The following KMT2E variants were observed in gnomAD, a reference collection of about 807,000 sequenced individuals.
KMT2E encodes the protein lysine methyltransferase 2E (inactive), also known as histone reader KMT2E.
KMT2E carries 30 observed loss-of-function variants against 184.6 expected under a neutral mutation model. The ratio of observed to expected loss-of-function variants is 0.16; its 90% CI spans 0.12 to 0.22. KMT2E has a LOEUF of 0.22. Ranked by LOEUF, KMT2E falls within the 10% of genes least tolerant of loss-of-function variation. KMT2E has a pLI of 1.00. For missense variants in KMT2E, 2,023 were observed against 2,237.4 expected, an observed-to-expected ratio of 0.90 and a Z score of 1.93; for synonymous variants, 815 against 776.5, an observed-to-expected ratio of 1.05 and a Z score of -0.82.
Position 105,112,414 on chromosome 7 carries a change from C to G in KMT2E, c.4658C>G (p.Ser1553Cys). ...CCCCCTCCACCTCCTCCACCTCCTT[C>G]TTCGTCTTACTATCAAAACCAGCAG... ...APPPPPPPPP[S>C]SSYYQNQQPS... is the part of the protein sequence containing the mutation. The change falls in exon 27 of 27, where the codon TCT (serine) becomes TGT (cysteine). Residue 1553 changes from serine (S) to cysteine (C), a missense_variant. This residue lies in a region of KMT2E where 1,108 missense variants were observed against 1,050.9 expected (regional missense o/e 1.05). Transcript: ENST00000311117. 1 of 1,613,162 alleles carries G rather than the reference C, an allele frequency of 6.2e-7. No homozygotes were observed. Among genetic ancestry groups the G allele is most frequent in the Non-Finnish European group, 8.5e-7 (1 of 1,179,894 alleles).
intron 3 of KMT2E, among the ~76,000 whole-genome samples, chr7:105,047,625 A>T (rs1048235046): frequency 1.3e-5 from 2 of 152,232 alleles, no homozygotes; most frequent in Non-Finnish European, 2.9e-5. Flanking sequence ...TGTGAGTCCA[A>T]TGTTAACTTC....
Position 105,108,943 on chromosome 7 carries a change from T to G in KMT2E, c.3470T>G (p.Val1157Gly). The change falls in exon 23 of 27, where the codon GTT becomes GGT. Residue 1157 changes from valine (V) to glycine (G), a missense_variant and splice_region_variant. Val to Gly is a moderately radical substitution (Grantham distance 109). Around this residue, in one of 8 missense-constraint regions of KMT2E, gnomAD observed 1,108 missense variants for 1,050.9 expected, o/e 1.05. Coordinates refer to ENST00000311117, the MANE Select transcript of KMT2E (RefSeq NM_182931.3). ...TTTTTCTCATCTTTCTTGCTTAAGG[T>G]TTCTCTATTAGAATACCGTAAGAGA... The part of the protein sequence containing the change: ...TPQNPPQKKK[V>G]SLLEYRKRQR... 1 of 1,591,270 alleles carries G rather than the reference T, an allele frequency of 6.3e-7. No individual in the cohort carries two copies. The highest frequency in any genetic ancestry group is 8.6e-7 in the Non-Finnish European group (1 of 1,163,110).
intron 15 of KMT2E, among the ~76,000 whole-genome samples, chr7:105,097,580 T>C (rs1009125888): frequency 6.6e-6 from 1 of 151,976 alleles, no homozygotes; most frequent in African/African-American, 2.4e-5. Context: ...AGAGATGGGG[T>C]TTCACCATGT....
At chr7:105,101,689 A>G in intron 16 of KMT2E, 100 bp downstream of exon 16, 1 of 1,102,322 alleles carries the variant, frequency 9.1e-7, no homozygotes, top group Non-Finnish European at 1.2e-6. Context: ...AATGTCTATT[A>G]GCTTTTTAAT....
In KMT2E at chr7:105,050,773, A is replaced by G. The variant is rs541247668; in HGVS notation, c.71+9750A>G. ...TCGACAGACTCTTGCTCTGTCACCC[A>G]GGCTGGAGTGCAATGGCATGATCTC... On this transcript the variant is annotated intron_variant, in intron 3 of 26. Transcript: ENST00000311117. Among the ~76,000 whole-genome samples, 5 of 149,098 alleles carry G rather than the reference A, an allele frequency of 3.4e-5. No homozygotes were observed. In the East Asian group the frequency reaches 8.0e-4, roughly 24 times the overall value.
At chr7:105,017,476 C>G (rs1407485744) in intron 1 of KMT2E, among the ~76,000 whole-genome samples, 1 of 113,606 alleles carries the variant, frequency 8.8e-6, no homozygotes, top group African/African-American at 3.3e-5. Context: ...ATGATACTGG[C>G]TTTTTTTTTT....
rs869055986 is a variant in KMT2E, at chr7:105,071,608, ATTTTTTTT to A, written c.498-1990_498-1983del. ...TATATATATATATATATATATATATATTTTTTTTTTTTTTTTTTTTTTTTTTTTAAGTA... is the reference window on the plus strand; with the variant it reads ...TATATATATATATATATATATATATATTTTTTTTTTTTTTTTTTTTAAGTA... On this transcript the variant is annotated intron_variant, in intron 6 of 26. Coordinates refer to ENST00000311117, the MANE Select transcript of KMT2E (RefSeq NM_182931.3). Among the ~76,000 whole-genome samples, 205 of 31,824 alleles carry A rather than the reference ATTTTTTTT, an allele frequency of 6.4e-3. 4 individuals carry two copies. The highest frequency in any genetic ancestry group is 0.027 in the African/African-American group (196 of 7,234). 20.9% of individuals were successfully genotyped at this position (31,824 alleles called of 152,430 possible).
chr7:105,070,281 C>G (rs1797227864), intron 6 of KMT2E, among the ~76,000 whole-genome samples: 1 of 151,954 alleles, frequency 6.6e-6, no homozygotes, highest in Admixed American at 6.6e-5. Flanking sequence ...TCCGGAATGG[C>G]TATTCGATTT....
At chr7:105,099,565 C>A (rs1798569104) in intron 15 of KMT2E, among the ~76,000 whole-genome samples, 1 of 152,058 alleles carries the variant, frequency 6.6e-6, no homozygotes, top group Non-Finnish European at 1.5e-5. Context: ...GAAAATATTT[C>A]TTGTATCCCA....
intron 6 of KMT2E, among the ~76,000 whole-genome samples, chr7:105,070,482 A>C (rs1303037622): frequency 6.6e-6 from 1 of 151,710 alleles, no homozygotes; most frequent in Non-Finnish European, 1.5e-5. Context: ...AAAAATACAA[A>C]AATTAGCCGG....
intron 15 of KMT2E, chr7:105,091,716 CAAA>C (rs761405130): frequency 7.3e-4 from 105 of 142,866 alleles, no homozygotes; most frequent in East Asian, 1.8e-3. Context: ...ATTGCTTATG[CAAA>C]AAAAAAAAAA....
intron 13 of KMT2E, among the ~76,000 whole-genome samples, chr7:105,087,177 T>C (rs1375900504): frequency 2.7e-5 from 4 of 146,444 alleles, no homozygotes; most frequent in Non-Finnish European, 6.0e-5. Context: ...TAATAAAATA[T>C]ATATTAGCAT....
Position 105,040,891 on chromosome 7 carries a change from C to G in KMT2E, c.-62C>G. ...AATGAGCACTGTGGCTGGCATGCCC[C>G]AGTGTTTTGGATACCAATGCATAGG... On this transcript the variant is annotated 5_prime_UTR_variant, in exon 3 of 27. Coordinates refer to ENST00000311117, the MANE Select transcript of KMT2E (RefSeq NM_182931.3). 1 of 1,213,814 alleles carries G rather than the reference C, an allele frequency of 8.2e-7. No individual in the cohort carries two copies. The highest frequency in any genetic ancestry group is 1.9e-5 in the Admixed American group (1 of 53,284). 75.2% of individuals were successfully genotyped at this position (1,213,814 alleles called of 1,614,324 possible). A position where few individuals can be genotyped will look rare whatever the true frequency, so the allele number is the denominator to read the frequency against.
At chr7:105,052,040 T>C (rs1311197343) in intron 3 of KMT2E, among the ~76,000 whole-genome samples, 1 of 152,196 alleles carries the variant, frequency 6.6e-6, no homozygotes, top group African/African-American at 2.4e-5. Flanking sequence ...GCTACTATGC[T>C]TCTTCTGAAG....
chr7:105,103,120 T>TAAC (rs1798728773), intron 17 of KMT2E: 1 of 152,194 alleles, frequency 6.6e-6, no homozygotes, highest in African/African-American at 2.4e-5. Flanking sequence ...AAAAAAATTC[T>TAAC]AACTTTGTAA....
Position 105,068,624 on chromosome 7 carries a change from GT to G in KMT2E, c.497+1831del, listed in dbSNP as rs77819480. Among the ~76,000 whole-genome samples, 142 of 112,234 alleles carry G rather than the reference GT, an allele frequency of 1.3e-3. 1 individual carries two copies. Among genetic ancestry groups the G allele is most frequent in the Non-Finnish European group, 1.5e-3 (89 of 58,072 alleles). The allele number at this position is 112,234 out of a possible 152,430, so 73.6% of individuals were successfully genotyped here. On this transcript the variant is annotated intron_variant, in intron 6 of 26. Coordinates refer to ENST00000311117, the MANE Select transcript of KMT2E (RefSeq NM_182931.3). ...TCGCCACCATGCCTGACTAGTTGTGGTTTTTTTTTTTTTTGTTTTTTTTTTT... is the reference window on the plus strand; with the variant it reads ...TCGCCACCATGCCTGACTAGTTGTGGTTTTTTTTTTTTTGTTTTTTTTTTT...
chr7:105,073,472 A>G (rs1797410404), intron 6 of KMT2E, 147 bp from the exon 7 acceptor site: 1 of 536,834 alleles, frequency 1.9e-6, no homozygotes, highest in African/African-American at 1.9e-5. Context: ...ATTAGATTGT[A>G]TGTAAACTGT....
chr7:105,067,919 G>T (rs1797102640), intron 6 of KMT2E, among the ~76,000 whole-genome samples: 1 of 152,062 alleles, frequency 6.6e-6, no homozygotes, highest in Admixed American at 6.6e-5. Context: ...CTGCAGTGAG[G>T]CATGGTCATG....
intron 3 of KMT2E, among the ~76,000 whole-genome samples, chr7:105,042,944 A>G (rs889097837): frequency 3.3e-5 from 5 of 152,144 alleles, no homozygotes; most frequent in African/African-American, 4.8e-5. Flanking sequence ...ATTGAAATGT[A>G]TGTTATTGGA....
Sources: gnomAD v4.1 joint callset for allele counts (sites outside exome capture counted in the v4.1 genomes callset) on GRCh38, gnomAD v4.1.1 for gene constraint, gnomAD v4.1.1 regional missense constraint, MANE v1.5 for transcripts, NCBI Gene and HGNC (gene_info 2026-07-23, HGNC 2026-07-21) for gene names.